Variants in WWOX observed in about 807,000 individuals in gnomAD.
The protein encoded by WWOX is WW domain containing oxidoreductase, also known as WW domain-containing oxidoreductase.
In WWOX, 69 loss-of-function variants were observed where a neutral mutation model predicts 46.2. The observed-to-expected ratio is 1.49, with a 90% CI of 1.23 to 1.82. The LOEUF is 1.82. Ranked by LOEUF, WWOX falls within the 40% of genes most tolerant of loss-of-function variation. WWOX has a pLI of 0.00. For synonymous variants in WWOX, 359 were observed against 202.6 expected, an observed-to-expected ratio of 1.77 and a Z score of -6.56; for missense variants, 919 against 542.6, an observed-to-expected ratio of 1.69 and a Z score of -6.89.
chr16:78,947,686 C>A (rs2045976378), intron 8 of WWOX, among the ~76,000 whole-genome samples: 1 of 152,168 alleles, frequency 6.6e-6, no homozygotes, highest in Non-Finnish European at 1.5e-5. Context: ...AAAGCAATTG[C>A]TTTGTCCCCT....
intron 8 of WWOX, among the ~76,000 whole-genome samples, chr16:78,708,108 C>T (rs1021679005): frequency 6.6e-6 from 1 of 152,026 alleles, no homozygotes; most frequent in African/African-American, 2.4e-5. Flanking sequence ...GGAATATCAC[C>T]TGAGCCCAGG....
intron 8 of WWOX, among the ~76,000 whole-genome samples, chr16:78,828,540 A>T (rs1413838836): frequency 6.6e-6 from 1 of 151,394 alleles, no homozygotes; most frequent in Non-Finnish European, 1.5e-5. Context: ...ATTATATATA[A>T]TAATAATTTA....
intron 5 of WWOX, among the ~76,000 whole-genome samples, chr16:78,322,514 T>C (rs1362589960): frequency 6.6e-6 from 1 of 152,190 alleles, no homozygotes; most frequent in Non-Finnish European, 1.5e-5. Context: ...AATTTAAGGA[T>C]GGGGAAAGTG....
intron 8 of WWOX, among the ~76,000 whole-genome samples, chr16:78,468,336 C>T (rs1192215419): frequency 1.3e-5 from 2 of 151,216 alleles, no homozygotes; most frequent in Non-Finnish European, 2.9e-5. Context: ...CCCACCTGTG[C>T]AGCCTGCTGG....
intron 4 of WWOX, among the ~76,000 whole-genome samples, chr16:78,154,080 C>T (rs1476525494): frequency 6.6e-6 from 1 of 152,202 alleles, no homozygotes. Flanking sequence ...CCATTTCTCC[C>T]TTTGTGTTCC....
chr16:78,529,088 G>GA, intron 8 of WWOX, among the ~76,000 whole-genome samples: 1 of 150,646 alleles, frequency 6.6e-6, no homozygotes, highest in East Asian at 2.0e-4. Flanking sequence ...TGAGTCACTG[G>GA]GACTACAGGT....
At chr16:78,111,488 A>G (rs112984241) in intron 3 of WWOX, among the ~76,000 whole-genome samples, 5,059 of 152,230 alleles carry the variant, frequency 0.033, 298 homozygotes, top group African/African-American at 0.12. Flanking sequence ...ACACCCGCAT[A>G]AGGGCTGCTT....
intron 8 of WWOX, among the ~76,000 whole-genome samples, chr16:79,139,532 GTCTTTAGCT>G (rs1430191644): frequency 2.6e-5 from 4 of 152,258 alleles, no homozygotes; most frequent in Admixed American, 2.6e-4. Context: ...CAAACACGAT[GTCTTTAGCT>G]TCTTTGGAAT....
At chr16:79,165,772 T>G (rs1169346639) in intron 8 of WWOX, among the ~76,000 whole-genome samples, 1 of 152,168 alleles carries the variant, frequency 6.6e-6, no homozygotes, top group Non-Finnish European at 1.5e-5. Flanking sequence ...AAGCATTACT[T>G]TGTCACAGGC....
intron 8 of WWOX, among the ~76,000 whole-genome samples, chr16:78,725,224 C>G (rs368725975): frequency 3.9e-5 from 6 of 151,930 alleles, no homozygotes; most frequent in African/African-American, 1.5e-4. Context: ...TCGCTTTGCA[C>G]TATGATTGTG....
chr16:78,622,829 G>A (rs1298212226), intron 8 of WWOX, among the ~76,000 whole-genome samples: 2 of 152,158 alleles, frequency 1.3e-5, no homozygotes, highest in Non-Finnish European at 2.9e-5. Flanking sequence ...TAATGAGCAG[G>A]GGGATCCTCC....
intron 8 of WWOX, among the ~76,000 whole-genome samples, chr16:78,851,267 T>G (rs1172728612): frequency 6.6e-6 from 1 of 152,198 alleles, no homozygotes. Flanking sequence ...CCCAGGGTCA[T>G]AAACAATAAT....
chr16:79,081,607 G>A (rs941382578), intron 8 of WWOX, among the ~76,000 whole-genome samples: 11 of 152,030 alleles, frequency 7.2e-5, no homozygotes, highest in East Asian at 5.8e-4. Flanking sequence ...TTGAGCCTTC[G>A]CTTCCTCATT....
intron 8 of WWOX, among the ~76,000 whole-genome samples, chr16:79,127,218 C>G (rs980377192): frequency 2.0e-5 from 3 of 151,948 alleles, no homozygotes; most frequent in Non-Finnish European, 2.9e-5. Flanking sequence ...CTATGTTTTT[C>G]TTTATGTGTG....
At chr16:78,208,354 G>C (rs1038763273) in intron 5 of WWOX, among the ~76,000 whole-genome samples, 33 of 152,162 alleles carry the variant, frequency 2.2e-4, no homozygotes, top group African/African-American at 7.7e-4. Flanking sequence ...GAATTTATAT[G>C]TTCTTGGTCC....
chr16:78,840,730 C>G (rs1398361710), intron 8 of WWOX, among the ~76,000 whole-genome samples: 1 of 150,172 alleles, frequency 6.7e-6, no homozygotes, highest in African/African-American at 2.5e-5. Context: ...TTTGTGGGTA[C>G]CTAGTAGGTG....
intron 4 of WWOX, among the ~76,000 whole-genome samples, chr16:78,118,674 T>C (rs1457227481): frequency 6.6e-6 from 1 of 152,204 alleles, no homozygotes; most frequent in Non-Finnish European, 1.5e-5. Context: ...TGTAAATATT[T>C]ACTCTTTGGC....
At chr16:78,958,842 A>C (rs1378027015) in intron 8 of WWOX, among the ~76,000 whole-genome samples, 1 of 152,182 alleles carries the variant, frequency 6.6e-6, no homozygotes, top group Non-Finnish European at 1.5e-5. Flanking sequence ...TGTAATTTTA[A>C]AATTCTTCCT....
intron 8 of WWOX, among the ~76,000 whole-genome samples, chr16:78,884,117 A>T (rs767974337): frequency 6.6e-6 from 1 of 151,828 alleles, no homozygotes; most frequent in African/African-American, 2.4e-5. Context: ...TGTCTCTACA[A>T]AAATATTAGT....
Sources: allele counts gnomAD v4.1 joint callset (sites outside exome capture counted in the v4.1 genomes callset), GRCh38; gene constraint gnomAD v4.1.1; transcripts MANE v1.5; gene names NCBI Gene and HGNC (gene_info 2026-07-23, HGNC 2026-07-21).